Variants in SVEP1 observed in about 807,000 individuals in gnomAD.
SVEP1 encodes the protein sushi, von Willebrand factor type A, EGF and pentraxin domain-containing protein 1.
A neutral mutation model predicts 367.3 loss-of-function variants in SVEP1; 164 were observed. The observed-to-expected ratio is 0.45, with a 90% confidence interval of 0.39 to 0.51. The LOEUF (loss-of-function observed/expected upper bound fraction) is 0.51, where lower values mean the gene tolerates loss of function less well. Among genes scored for constraint, SVEP1 ranks in the 20% least tolerant of loss-of-function variants. SVEP1 has a pLI of 0.00. For missense variants in SVEP1, 4,117 were observed against 4,425.3 expected (o/e 0.93, Z 1.98); for synonymous variants, 1,666 against 1,611.6 (o/e 1.03, Z -0.81).
At chr9:110,519,096 G>A (rs1434841429) in intron 3 of SVEP1, among the ~76,000 whole-genome samples, 2 of 152,138 alleles carry the variant, frequency 1.3e-5, no homozygotes, top group Admixed American at 6.5e-5. Flanking sequence ...CATTTTTGGG[G>A]AGTTTGAGCA....
At chr9:110,461,985 G>A (rs1402190293) in intron 18 of SVEP1, among the ~76,000 whole-genome samples, 1 of 152,088 alleles carries the variant, frequency 6.6e-6, no homozygotes, top group Non-Finnish European at 1.5e-5. Context: ...TGCCTATTTG[G>A]AAAAGGTAAC....
At position 110,492,271 on chromosome 9, in the gene SVEP1, G is replaced by A. The variant is rs151068740; in HGVS notation, c.1801-2492C>T. 2.8e-4 allele frequency among the ~76,000 whole-genome samples: 43 copies of A among 152,096 alleles called. No individual in the cohort carries two copies. The East Asian group carries it at 7.7e-3, about 27-fold the overall frequency. On this transcript the variant is annotated intron_variant, in intron 8 of 47. Coordinates refer to ENST00000374469, the MANE Select transcript of SVEP1 (RefSeq NM_153366.4). The stretch of plus-strand genomic sequence containing the variant: ...ATACTCAGTGTGAAAAATTGTGGTC[G>A]TTAGGATTCAGGTGTTATCAAAGAT...
chr9:110,559,599 T>C (rs983776089), intron 1 of SVEP1, among the ~76,000 whole-genome samples: 1 of 152,142 alleles, frequency 6.6e-6, no homozygotes, highest in Non-Finnish European at 1.5e-5. Flanking sequence ...ACAGATATTT[T>C]TGTTGGGAAT....
chr9:110,414,246 T>C (rs1017379850), intron 36 of SVEP1, among the ~76,000 whole-genome samples: 1 of 152,062 alleles, frequency 6.6e-6, no homozygotes, highest in Admixed American at 6.5e-5. Flanking sequence ...GCATCAGCTA[T>C]TATAGAGAGG....
chr9:110,406,344 T>G lies in SVEP1; in HGVS notation c.9256A>C (p.Ile3086Leu). 1 of 1,614,052 alleles carries G rather than the reference T, an allele frequency of 6.2e-7. No individual in the cohort carries two copies. The highest frequency in any genetic ancestry group is 8.5e-7 in the Non-Finnish European group (1 of 1,179,888). Reference sequence around the variant, plus strand: ...TATCCAGACCTGCAGCTGTAAGTTATCACATTTTCCTTCCAAGAGCTGGTC... The same window carrying G: ...TATCCAGACCTGCAGCTGTAAGTTAGCACATTTTCCTTCCAAGAGCTGGTC... ...SETSSWKENV[I>L]TYSCRSGYVI... The change falls in exon 38 of 48, where the codon ATA becomes CTA. Residue 3086 changes from isoleucine (I) to leucine (L), a missense_variant. Transcript: ENST00000374469.
intron 47 of SVEP1, among the ~76,000 whole-genome samples, chr9:110,367,487 A>AT (rs1827217037): frequency 6.6e-6 from 1 of 152,180 alleles, no homozygotes; most frequent in South Asian, 2.1e-4. Flanking sequence ...ACTTTAAGGC[A>AT]TTCAGTCTCG....
intron 27 of SVEP1, among the ~76,000 whole-genome samples, chr9:110,440,431 T>C (rs1317843183): frequency 6.6e-6 from 1 of 152,214 alleles, no homozygotes; most frequent in Admixed American, 6.5e-5. Context: ...AGCAGATGTT[T>C]ATGAAGCTAC....
chr9:110,430,554 G>A (rs557487119), intron 32 of SVEP1, 104 bp from the exon 33 acceptor site: 135 of 1,270,334 alleles, frequency 1.1e-4, no homozygotes, highest in Middle Eastern at 1.9e-4. Flanking sequence ...TGTTAAAATC[G>A]CAAGAGAAAA....
chr9:110,402,807 A>T (rs968525391), intron 39 of SVEP1, among the ~76,000 whole-genome samples: 1 of 152,104 alleles, frequency 6.6e-6, no homozygotes, highest in African/African-American at 2.4e-5. Flanking sequence ...AACCATACAA[A>T]ATTTGAAGGC....
intron 1 of SVEP1, among the ~76,000 whole-genome samples, chr9:110,571,901 AT>A (rs1241822792): frequency 6.6e-6 from 1 of 152,234 alleles, no homozygotes; most frequent in East Asian, 1.9e-4. Context: ...CTATCTCCTG[AT>A]TTTAAAATGT....
chr9:110,469,141 A>G, intron 16 of SVEP1, 40 bp from the exon 17 acceptor site: 1 of 1,553,432 alleles, frequency 6.4e-7, no homozygotes, highest in South Asian at 1.2e-5. Flanking sequence ...ATAAACTACA[A>G]CGGTGGAACA....
At chr9:110,550,253 G>T in intron 1 of SVEP1, 149 bp from the exon 2 acceptor site, 1 of 1,010,968 alleles carries the variant, frequency 9.9e-7, no homozygotes, top group Non-Finnish European at 1.5e-6. Flanking sequence ...ACAGAAATAG[G>T]CACAGATGAG....
intron 5 of SVEP1, among the ~76,000 whole-genome samples, chr9:110,506,650 T>C (rs1829630083): frequency 6.6e-6 from 1 of 152,174 alleles, no homozygotes; most frequent in Admixed American, 6.5e-5. Flanking sequence ...GTCTCCTCTT[T>C]AGAGAAAACC....
chr9:110,455,735 C>A, intron 21 of SVEP1, 32 bp from the exon 22 acceptor site: 3 of 1,555,022 alleles, frequency 1.9e-6, no homozygotes, highest in South Asian at 1.2e-5. Flanking sequence ...GAGGGACAAT[C>A]CAAGGATGGG....
Position 110,369,991 on chromosome 9 carries a change from A to G in SVEP1, c.10626T>C (p.Asn3542=). The G allele has an allele frequency of 1.2e-6, 2 of 1,613,218 alleles. No individual in the cohort carries two copies. Among genetic ancestry groups the G allele is most frequent in the East Asian group, 2.2e-5 (1 of 44,850 alleles). ...GGTTTGGTCTTACACATTTTCCACC[A>G]TTTAAGCAGGGAGACTGGCAAACAG... ...HTAVCQSPCL[N]GGKCVRPNRC... Residue 3542 remains asparagine, a synonymous_variant, in exon 47 of 48, where the codon AAT becomes AAC. Transcript: ENST00000374469.
chr9:110,488,992 G>A (rs75718500), intron 9 of SVEP1, among the ~76,000 whole-genome samples: 2 of 152,176 alleles, frequency 1.3e-5, no homozygotes, highest in African/African-American at 2.4e-5. Context: ...TAGTTTATAC[G>A]AGTGAAGGGG....
At chr9:110,432,813 G>A (rs1828371788) in intron 30 of SVEP1, among the ~76,000 whole-genome samples, 178 bp from the exon 31 acceptor site, 1 of 152,190 alleles carries the variant, frequency 6.6e-6, no homozygotes, top group Admixed American at 6.5e-5. Flanking sequence ...CACATTGCCT[G>A]GCTCACAGTA....
In SVEP1 at chr9:110,404,615, T is replaced by G. The variant is rs73655340; in HGVS notation, c.9441-63A>C. ...GTACAATATAGTTTCTGATCTATCC[T>G]TGGATTTAGGAAGCTGTTACAAGGC... On this transcript the variant is annotated intron_variant, in intron 38 of 47. Coordinates refer to ENST00000374469, the MANE Select transcript of SVEP1 (RefSeq NM_153366.4). 4.9e-3 allele frequency: 7,304 copies of G among 1,486,968 alleles called. 281 individuals carry two copies. The African/African-American group carries it at 0.086, about 18-fold the overall frequency. 92.1% of individuals were successfully genotyped at this position (1,486,968 alleles called of 1,614,324 possible).
intron 18 of SVEP1, among the ~76,000 whole-genome samples, chr9:110,463,140 G>C (rs559716124): frequency 2.5e-4 from 38 of 151,980 alleles, no homozygotes; most frequent in African/African-American, 8.9e-4. Flanking sequence ...CTTCATCCTG[G>C]AGAGTCAGGG....
Sources: allele counts gnomAD v4.1 joint callset (sites outside exome capture counted in the v4.1 genomes callset), GRCh38; gene constraint gnomAD v4.1.1; transcripts MANE v1.5; gene names NCBI Gene and HGNC (gene_info 2026-07-23, HGNC 2026-07-21).